Variants in CNIH2 observed in about 807,000 individuals in gnomAD.
CNIH2 encodes cornichon family AMPA receptor auxiliary protein 2, also known as protein cornichon homolog 2.
Under a neutral mutation model 22.9 loss-of-function variants are expected in CNIH2, and 8 were observed. That is an observed-to-expected ratio of 0.35 (90% CI 0.20 to 0.63). The LOEUF (loss-of-function observed/expected upper bound fraction) is 0.63, where lower values mean the gene tolerates loss of function less well. Ranked by LOEUF, CNIH2 falls within the 30% of genes least tolerant of loss-of-function variation. The probability of loss-of-function intolerance (pLI) is 0.72; values close to 1 mark genes in which losing one functional copy is unlikely to be tolerated. For synonymous variants in CNIH2, 74 were observed against 78.2 expected (o/e 0.95, Z 0.28); for missense variants, 105 against 206.2 (o/e 0.51, Z 3.01).
At chr11:66,279,971 T>G (rs1857235152) in intron 1 of CNIH2, among the ~76,000 whole-genome samples, 1 of 152,204 alleles carries the variant, frequency 6.6e-6, no homozygotes, top group African/African-American at 2.4e-5. Flanking sequence ...TTCTAAGGAC[T>G]GGAGGGAGCT....
At chr11:66,280,441 G>A (rs1857242239) in intron 1 of CNIH2, among the ~76,000 whole-genome samples, 1 of 152,184 alleles carries the variant, frequency 6.6e-6, no homozygotes, top group East Asian at 1.9e-4. Context: ...GTAGGGGATA[G>A]GAGGCGTGGT....
rs768240277 is a variant in CNIH2 at position 66,283,185 on chromosome 11, G to T, written c.311+38G>T. ...GCTGCCTTGGGGAGGCTGAGATGGG[G>T]AACAGGGGCAGGATGGGGGTGGGAG... On this transcript the variant is annotated intron_variant, in intron 4 of 5. Coordinates refer to ENST00000311445, the MANE Select transcript of CNIH2 (RefSeq NM_182553.3). 1.9e-6 allele frequency: 3 copies of T among 1,613,782 alleles called. No homozygotes were observed. The East Asian group carries it at 6.7e-5, about 36-fold the overall frequency.
chr11:66,282,088 C>T (rs868009223), intron 1 of CNIH2, among the ~76,000 whole-genome samples, 171 bp from the exon 2 acceptor site: 1 of 152,194 alleles, frequency 6.6e-6, no homozygotes, highest in African/African-American at 2.4e-5. Flanking sequence ...CCCTTCTGGA[C>T]TGTTGTAATG....
intron 3 of CNIH2, 69 bp downstream of exon 3, chr11:66,282,849 C>A: frequency 6.5e-7 from 1 of 1,543,262 alleles, no homozygotes; most frequent in South Asian, 1.1e-5. Context: ...GGCCCAGAAC[C>A]AGGCCTTCCC....
Position 66,283,600 on chromosome 11 carries a change from G to C in CNIH2, c.*3G>C. The C allele has an allele frequency of 1.3e-6, 2 of 1,572,890 alleles. No individual in the cohort carries two copies. The highest frequency in any genetic ancestry group is 8.6e-7 in the Non-Finnish European group (1 of 1,158,344). On this transcript the variant is annotated 3_prime_UTR_variant, in exon 6 of 6. Transcript: ENST00000311445. The stretch of plus-strand genomic sequence containing the variant: ...TTTATACGTTGGTGAGTTTCTAAGG[G>C]GGAAGCCGGCCAGGGAGCGAGCCCA...
rs374309686 is a variant in CNIH2 at position 66,283,726 on chromosome 11, C to A, written c.*129C>A. The stretch of plus-strand genomic sequence containing the variant: ...CACTGGTGCCCCCAGCCTCTCCAAC[C>A]CCCAAACTGCTGCTGCGGGGAACCC... On this transcript the variant is annotated 3_prime_UTR_variant, in exon 6 of 6. Transcript: ENST00000311445. 3 of 1,023,220 alleles carry A rather than the reference C, an allele frequency of 2.9e-6. No homozygotes were observed. Among genetic ancestry groups the A allele is most frequent in the Non-Finnish European group, 4.3e-6 (3 of 703,808 alleles). The allele number at this position is 1,023,220 out of a possible 1,614,324, so 63.4% of individuals were successfully genotyped here.
rs1479637308 is a variant in CNIH2, at chr11:66,283,912, C to A, written c.*315C>A. On this transcript the variant is annotated 3_prime_UTR_variant, in exon 6 of 6. Transcript: ENST00000311445. ...CATTTCGGGGGAAACTTGGGCCCTG[C>A]CAAGGGGCAGAGCTTGACCCTGGAA... The A allele has an allele frequency of 1.2e-5, 4 of 347,412 alleles. No individual in the cohort carries two copies. The highest frequency in any genetic ancestry group is 3.7e-5 in the South Asian group (1 of 27,154). The allele number at this position is 347,412 out of a possible 1,614,324, so 21.5% of individuals were successfully genotyped here.
chr11:66,279,865 C>T (rs1358763027), intron 1 of CNIH2, among the ~76,000 whole-genome samples: 1 of 152,204 alleles, frequency 6.6e-6, no homozygotes, highest in Admixed American at 6.5e-5. Context: ...GCTCTGCTCT[C>T]TCTCTGGGTC....
At chr11:66,279,380 C>A (rs984164054) in intron 1 of CNIH2, among the ~76,000 whole-genome samples, 2 of 152,068 alleles carry the variant, frequency 1.3e-5, no homozygotes, top group African/African-American at 4.8e-5. Context: ...CCCCTCACTA[C>A]AGAACTATCA....
intron 1 of CNIH2, chr11:66,281,608 C>T (rs547307691): frequency 1.6e-4 from 62 of 388,138 alleles, no homozygotes; most frequent in African/African-American, 1.1e-3. Context: ...CCTCACAGGG[C>T]GCCCATGTCT....
chr11:66,282,536 C>T (rs1857275184), intron 2 of CNIH2, 197 bp from the exon 3 acceptor site: 2 of 845,676 alleles, frequency 2.4e-6, no homozygotes, highest in East Asian at 2.7e-5. Flanking sequence ...GGCTCTGGGC[C>T]GTTGCCATGG....
rs559480992 is a variant in CNIH2, at chr11:66,283,639, G to A, written c.*42G>A. 32 of 1,552,758 alleles carry A rather than the reference G, an allele frequency of 2.1e-5. No individual in the cohort carries two copies. The highest frequency in any genetic ancestry group is 2.7e-5 in the African/African-American group (2 of 73,152). ...GGAGCGAGCCCAGAACGGACCGGACGCCTGTGCACCCCCAGCCCTGCCCCT... is the reference window on the plus strand; with the variant it reads ...GGAGCGAGCCCAGAACGGACCGGACACCTGTGCACCCCCAGCCCTGCCCCT... On this transcript the variant is annotated 3_prime_UTR_variant, in exon 6 of 6. Transcript: ENST00000311445.
rs1382304503 is a variant in CNIH2 at position 66,282,929 on chromosome 11, A to T, written c.199-106A>T. ...AAGCCAGAGGCCTTTTAATCCCCAG[A>T]GGTCACGGTGGGTGGGCACCTCCCA... On this transcript the variant is annotated intron_variant, in intron 3 of 5. Coordinates refer to ENST00000311445, the MANE Select transcript of CNIH2 (RefSeq NM_182553.3). 2.2e-6 allele frequency: 3 copies of T among 1,348,752 alleles called. No homozygotes were observed. The African/African-American group carries it at 4.3e-5, about 20-fold the overall frequency. 83.5% of individuals were successfully genotyped at this position (1,348,752 alleles called of 1,614,324 possible).
intron 2 of CNIH2, 102 bp downstream of exon 2, chr11:66,282,429 G>GGGGGGGGGGGGGGGGGGGGGGGCC: frequency 2.1e-6 from 1 of 479,426 alleles, no homozygotes; most frequent in Non-Finnish European, 4.2e-6. Context: ...GGGGTGGGGG[G>GGGGGGGGGGGGGGGGGGGGGGGCC]CCTACGGCCA....
intron 1 of CNIH2, chr11:66,281,527 T>C: frequency 2.2e-6 from 1 of 455,962 alleles, no homozygotes. Flanking sequence ...CACCCCACTC[T>C]GCTGCTGTGT....
At chr11:66,279,791 AGAGT>A (rs1213669614) in intron 1 of CNIH2, among the ~76,000 whole-genome samples, 1 of 152,148 alleles carries the variant, frequency 6.6e-6, no homozygotes, top group Non-Finnish European at 1.5e-5. Flanking sequence ...TACTGTGTGA[AGAGT>A]GAGCCCCCAA....
Position 66,283,706 on chromosome 11 carries a change from G to A in CNIH2, c.*109G>A. The stretch of plus-strand genomic sequence containing the variant: ...AGCCCTGGGGAGGGAGGGGGCACTG[G>A]TGCCCCCAGCCTCTCCAACCCCCAA... On this transcript the variant is annotated 3_prime_UTR_variant, in exon 6 of 6. Coordinates refer to ENST00000311445, the MANE Select transcript of CNIH2 (RefSeq NM_182553.3). 1 of 1,288,142 alleles carries A rather than the reference G, an allele frequency of 7.8e-7. No homozygotes were observed. Among genetic ancestry groups the A allele is most frequent in the Non-Finnish European group, 1.1e-6 (1 of 930,612 alleles). The allele number at this position is 1,288,142 out of a possible 1,614,324, so 79.8% of individuals were successfully genotyped here.
At chr11:66,282,390 CT>C (rs1462902575) in intron 2 of CNIH2, 63 bp downstream of exon 2, 1 of 228,728 alleles carries the variant, frequency 4.4e-6, no homozygotes, top group Non-Finnish European at 7.2e-6. Context: ...CTGTCGTGGG[CT>C]GGGGGTGGGA....
intron 1 of CNIH2, chr11:66,281,307 C>A: frequency 2.2e-6 from 1 of 449,638 alleles, no homozygotes; most frequent in Non-Finnish European, 4.5e-6. Context: ...CTGGACAAGT[C>A]ACTTAACCTG....
Sources: allele counts gnomAD v4.1 joint callset (sites outside exome capture counted in the v4.1 genomes callset), GRCh38; gene constraint gnomAD v4.1.1; transcripts MANE v1.5; gene names NCBI Gene and HGNC (gene_info 2026-07-23, HGNC 2026-07-21).